PHACTR4: variants seen among roughly 807,000 people sequenced by gnomAD.
PHACTR4 encodes the protein phosphatase and actin regulator 4.
In PHACTR4, 51 loss-of-function variants were observed where a neutral mutation model predicts 72.7. The observed-to-expected ratio is 0.70, with a 90% CI of 0.56 to 0.89. PHACTR4 has a LOEUF of 0.89. Among genes scored for constraint, PHACTR4 ranks in the 40% least tolerant of loss-of-function variants. The pLI, the probability that PHACTR4 is intolerant of heterozygous loss-of-function variation, is 0.00. For synonymous variants in PHACTR4, 255 were observed against 302.5 expected (o/e 0.84, Z 1.63); for missense variants, 731 against 861.8 (o/e 0.85, Z 1.90).
chr1:28,449,581 G>T (rs779542732), intron 2 of PHACTR4, among the ~76,000 whole-genome samples: 2 of 152,094 alleles, frequency 1.3e-5, no homozygotes, highest in Non-Finnish European at 2.9e-5. Context: ...GCCCAGTGCT[G>T]TGGCTCACAC....
intron 6 of PHACTR4, among the ~76,000 whole-genome samples, chr1:28,469,716 C>T (rs1384765756): frequency 6.6e-6 from 1 of 152,134 alleles, no homozygotes; most frequent in African/African-American, 2.4e-5. Context: ...TTTTTAGAAT[C>T]TTTTTGTGTG....
intron 2 of PHACTR4, among the ~76,000 whole-genome samples, chr1:28,450,313 A>T (rs1657849495): frequency 6.6e-6 from 1 of 151,632 alleles, no homozygotes; most frequent in Admixed American, 6.6e-5. Context: ...TCACTCATAG[A>T]AAACAGAATG....
intron 1 of PHACTR4, among the ~76,000 whole-genome samples, chr1:28,398,914 T>C (rs1653739742): frequency 6.6e-6 from 1 of 152,348 alleles, no homozygotes; most frequent in African/African-American, 2.4e-5. Context: ...ATGTATGTTT[T>C]GTATCCATCC....
At chr1:28,417,871 C>T (rs2124326708) in intron 2 of PHACTR4, among the ~76,000 whole-genome samples, 1 of 151,162 alleles carries the variant, frequency 6.6e-6, no homozygotes, top group South Asian at 2.1e-4. Context: ...TAATCTCAGT[C>T]CTTTGGGAGG....
intron 1 of PHACTR4, among the ~76,000 whole-genome samples, chr1:28,378,477 T>G (rs1306439783): frequency 3.3e-5 from 5 of 151,574 alleles, no homozygotes; most frequent in African/African-American, 1.2e-4. Flanking sequence ...CACTCCAGCC[T>G]GGGTGACAGA....
At chr1:28,459,971 A>G (rs1407953542) in intron 3 of PHACTR4, among the ~76,000 whole-genome samples, 2 of 152,192 alleles carry the variant, frequency 1.3e-5, no homozygotes, top group African/African-American at 4.8e-5. Flanking sequence ...CTTACTAATG[A>G]AATTTTCTCT....
chr1:28,490,235 T>C (rs1483343580), intron 10 of PHACTR4, among the ~76,000 whole-genome samples: 1 of 152,212 alleles, frequency 6.6e-6, no homozygotes. Context: ...AAAATTGTTT[T>C]GTTTAGCCAT....
chr1:28,423,424 TAAATAAATAAATA>T (rs1655634745), intron 2 of PHACTR4, among the ~76,000 whole-genome samples: 1 of 126,048 alleles, frequency 7.9e-6, no homozygotes, highest in African/African-American at 4.4e-5. Flanking sequence ...AATAAATAAA[TAAATAAATAAATA>T]AATAAATGAG....
At chr1:28,400,939 G>A (rs956810632) in intron 1 of PHACTR4, among the ~76,000 whole-genome samples, 1 of 152,124 alleles carries the variant, frequency 6.6e-6, no homozygotes, top group Non-Finnish European at 1.5e-5. Flanking sequence ...GTGCAGGAGG[G>A]GATAGGCCTT....
chr1:28,455,406 A>C lies in PHACTR4; in HGVS notation c.17-3679A>C, dbSNP rs183312104. ...GAGACGAGGTTTCACCATGTTGGCTAGGCTGGTCTCAAACTCCTGATCTCA... is the reference window on the plus strand; with the variant it reads ...GAGACGAGGTTTCACCATGTTGGCTCGGCTGGTCTCAAACTCCTGATCTCA... On this transcript the variant is annotated intron_variant, in intron 2 of 13. Transcript: ENST00000373839. 2.6e-5 allele frequency among the ~76,000 whole-genome samples: 4 copies of C among 151,954 alleles called. No individual in the cohort carries two copies. In the East Asian group the frequency reaches 7.7e-4, roughly 29 times the overall value.
intron 2 of PHACTR4, among the ~76,000 whole-genome samples, chr1:28,408,679 T>A (rs1380737952): frequency 9.2e-5 from 14 of 151,540 alleles, no homozygotes; most frequent in South Asian, 4.2e-4. Flanking sequence ...TATTTTTTTT[T>A]AATTTATTTT....
At chr1:28,495,625 T>A (rs201956545) in intron 13 of PHACTR4, among the ~76,000 whole-genome samples, 36,595 of 149,704 alleles carry the variant, frequency 0.24, 4,651 homozygotes, top group Middle Eastern at 0.34. Context: ...TTTTTTTTTT[T>A]TTATTTTTTG....
chr1:28,382,795 A>G (rs1326306675), intron 1 of PHACTR4, among the ~76,000 whole-genome samples: 1 of 151,594 alleles, frequency 6.6e-6, no homozygotes, highest in Non-Finnish European at 1.5e-5. Context: ...GTTTATTATT[A>G]TTAATTTATT....
chr1:28,437,148 G>C (rs1656687400), intron 2 of PHACTR4, among the ~76,000 whole-genome samples: 1 of 152,204 alleles, frequency 6.6e-6, no homozygotes, highest in African/African-American at 2.4e-5. Context: ...TAAGCAGCAT[G>C]TCTTAGTCTG....
rs1181084741 is a variant in PHACTR4 at position 28,468,853 on chromosome 1, A to G, written c.823+2085A>G. ...TGATGCTGCTCTCCAGGGAGCACAC[A>G]TTAAGAGCCTCTGCTCTACACCAGT... On this transcript the variant is annotated intron_variant, in intron 6 of 13. Transcript: ENST00000373839. 2.0e-5 allele frequency among the ~76,000 whole-genome samples: 3 copies of G among 151,842 alleles called. No homozygotes were observed. In the East Asian group the frequency reaches 5.8e-4, roughly 29 times the overall value.
intron 1 of PHACTR4, among the ~76,000 whole-genome samples, chr1:28,406,665 T>C (rs1569852077): frequency 6.6e-6 from 1 of 152,174 alleles, no homozygotes; most frequent in Non-Finnish European, 1.5e-5. Flanking sequence ...AGGCTCTGAA[T>C]TGGAGTTTAG....
intron 1 of PHACTR4, among the ~76,000 whole-genome samples, chr1:28,382,461 G>T (rs1279778347): frequency 6.6e-6 from 1 of 151,772 alleles, no homozygotes; most frequent in Non-Finnish European, 1.5e-5. Flanking sequence ...ATGCCACCAC[G>T]CCTGGCTAAT....
At chr1:28,459,389 C>A in intron 3 of PHACTR4, 131 bp downstream of exon 3, 2 of 631,618 alleles carry the variant, frequency 3.2e-6, no homozygotes, top group Non-Finnish European at 4.9e-6. Context: ...TTATTCTTTC[C>A]TTCTTCTTTT....
chr1:28,442,611 A>T (rs903898235), intron 2 of PHACTR4, among the ~76,000 whole-genome samples: 1 of 151,700 alleles, frequency 6.6e-6, no homozygotes, highest in African/African-American at 2.4e-5. Flanking sequence ...GGTTCAAGTG[A>T]TTCTCCTGTC....
Sources: gnomAD v4.1 joint callset for allele counts (sites outside exome capture counted in the v4.1 genomes callset) on GRCh38, gnomAD v4.1.1 for gene constraint, MANE v1.5 for transcripts, NCBI Gene and HGNC (gene_info 2026-07-23, HGNC 2026-07-21) for gene names.